Variants in PLCXD3 observed in about 807,000 individuals in gnomAD.
PLCXD3 encodes phosphatidylinositol specific phospholipase C X domain containing 3.
In PLCXD3, 19 loss-of-function variants were observed where a neutral mutation model predicts 25.5. That is an observed-to-expected ratio of 0.75 (90% CI 0.52 to 1.09). PLCXD3 has a LOEUF of 1.09. Among genes scored for constraint, PLCXD3 ranks in the 50% least tolerant of loss-of-function variants. The pLI is 0.00. For synonymous variants in PLCXD3, 174 were observed against 137.6 expected, an observed-to-expected ratio of 1.26 and a Z score of -1.85; for missense variants, 411 against 388.1, an observed-to-expected ratio of 1.06 and a Z score of -0.50.
intron 1 of PLCXD3, among the ~76,000 whole-genome samples, chr5:41,494,905 C>A (rs1253267061): frequency 6.6e-6 from 1 of 152,106 alleles, no homozygotes; most frequent in Non-Finnish European, 1.5e-5. Context: ...CTTACGGAAG[C>A]ATGTAGTGAA....
chr5:41,371,484 G>A (rs930941777), intron 2 of PLCXD3, among the ~76,000 whole-genome samples: 6 of 152,100 alleles, frequency 3.9e-5, no homozygotes, highest in African/African-American at 1.2e-4. Context: ...TAGGCTTGTT[G>A]AAATATCCAA....
intron 1 of PLCXD3, among the ~76,000 whole-genome samples, chr5:41,391,502 C>T (rs747408633): frequency 2.7e-4 from 41 of 152,192 alleles, no homozygotes; most frequent in Non-Finnish European, 5.4e-4. Context: ...GTAGTTCTGC[C>T]GGCATTCATC....
chr5:41,362,107 C>T (rs1009208708), intron 2 of PLCXD3, among the ~76,000 whole-genome samples: 6 of 152,206 alleles, frequency 3.9e-5, no homozygotes, highest in African/African-American at 1.4e-4. Flanking sequence ...CTTTGGAAGC[C>T]ATTTTTACGT....
At chr5:41,383,289 G>T (rs368228694) in intron 1 of PLCXD3, among the ~76,000 whole-genome samples, 1 of 151,952 alleles carries the variant, frequency 6.6e-6, no homozygotes, top group African/African-American at 2.4e-5. Context: ...TCTCTCAACA[G>T]CATAAACTCT....
At chr5:41,366,099 A>G (rs1016044942) in intron 2 of PLCXD3, among the ~76,000 whole-genome samples, 18 of 151,930 alleles carry the variant, frequency 1.2e-4, no homozygotes, top group Non-Finnish European at 2.6e-4. Flanking sequence ...CCACTCTCCC[A>G]GCCCCACGAC....
At chr5:41,336,851 G>C (rs931561632) in intron 2 of PLCXD3, among the ~76,000 whole-genome samples, 1 of 152,060 alleles carries the variant, frequency 6.6e-6, no homozygotes, top group African/African-American at 2.4e-5. Context: ...TCTGTTTCCT[G>C]TACTCTCCCA....
chr5:41,348,236 T>G (rs1259314543), intron 2 of PLCXD3, among the ~76,000 whole-genome samples: 1 of 152,196 alleles, frequency 6.6e-6, no homozygotes, highest in Admixed American at 6.5e-5. Context: ...CATTATGATC[T>G]AATAGACGTT....
intron 1 of PLCXD3, among the ~76,000 whole-genome samples, chr5:41,470,924 A>G (rs1344670798): frequency 1.3e-5 from 2 of 152,232 alleles, no homozygotes; most frequent in African/African-American, 4.8e-5. Flanking sequence ...AAAGCAAGCC[A>G]GAAATGAATA....
At chr5:41,384,136 C>T (rs1745567164) in intron 1 of PLCXD3, among the ~76,000 whole-genome samples, 1 of 151,962 alleles carries the variant, frequency 6.6e-6, no homozygotes, top group Admixed American at 6.6e-5. Context: ...ACAGAAATGC[C>T]ATGTTTAATT....
intron 1 of PLCXD3, among the ~76,000 whole-genome samples, chr5:41,407,779 G>A (rs183130136): frequency 2.9e-4 from 44 of 152,264 alleles, no homozygotes; most frequent in Admixed American, 2.4e-3. Flanking sequence ...GGAACACTAA[G>A]TTTAATCCTT....
chr5:41,500,635 AG>A (rs1353486564), intron 1 of PLCXD3, among the ~76,000 whole-genome samples: 1 of 151,782 alleles, frequency 6.6e-6, no homozygotes, highest in Non-Finnish European at 1.5e-5. Context: ...AAGAAAATGT[AG>A]GGGGAAAGCT....
chr5:41,423,973 T>G (rs1746889750), intron 1 of PLCXD3, among the ~76,000 whole-genome samples: 1 of 152,212 alleles, frequency 6.6e-6, no homozygotes, highest in Non-Finnish European at 1.5e-5. Context: ...TGAGAATACT[T>G]AAGACCAACT....
intron 2 of PLCXD3, among the ~76,000 whole-genome samples, chr5:41,320,408 A>G (rs1489374177): frequency 6.6e-6 from 1 of 152,274 alleles, no homozygotes. Context: ...GGAATACATT[A>G]GAAAGACCAT....
intron 2 of PLCXD3, among the ~76,000 whole-genome samples, chr5:41,317,015 C>T (rs901753013): frequency 1.3e-5 from 2 of 152,174 alleles, no homozygotes; most frequent in African/African-American, 4.8e-5. Context: ...AAACCATACA[C>T]AATAGCCAGG....
At chr5:41,351,539 GA>G (rs889898817) in intron 2 of PLCXD3, among the ~76,000 whole-genome samples, 6 of 152,108 alleles carry the variant, frequency 3.9e-5, no homozygotes, top group Non-Finnish European at 8.8e-5. Flanking sequence ...ACACCTAGTA[GA>G]AAAAAACCGC....
At chr5:41,314,859 A>G (rs998721562) in intron 2 of PLCXD3, among the ~76,000 whole-genome samples, 5 of 152,184 alleles carry the variant, frequency 3.3e-5, no homozygotes, top group African/African-American at 4.8e-5. Flanking sequence ...GACTTTCACT[A>G]TAAGAGCTCA....
intron 2 of PLCXD3, among the ~76,000 whole-genome samples, chr5:41,359,530 T>G (rs1744716352): frequency 6.6e-6 from 1 of 152,326 alleles, no homozygotes; most frequent in South Asian, 2.1e-4. Context: ...CATAGTAACC[T>G]TAAATAATCT....
At chr5:41,391,267 A>C (rs2150495972) in intron 1 of PLCXD3, among the ~76,000 whole-genome samples, 1 of 152,248 alleles carries the variant, frequency 6.6e-6, no homozygotes, top group East Asian at 1.9e-4. Flanking sequence ...CCCCTCCCCT[A>C]ACCTCAGGCT....
Position 41,402,919 on chromosome 5 carries a change from A to T in PLCXD3, c.104-20385T>A, listed in dbSNP as rs555433358. ...ATATAAAATGAGTTTCTTGTAGAAA[A>T]CAACTTGTTGGCACTTAGTTTTATA... On this transcript the variant is annotated intron_variant, in intron 1 of 2. Transcript: ENST00000377801. Among the ~76,000 whole-genome samples, 17 of 152,202 alleles carry T rather than the reference A, an allele frequency of 1.1e-4. No homozygotes were observed. The South Asian group carries it at 3.5e-3, about 32-fold the overall frequency.
Sources: gnomAD v4.1 joint callset for allele counts (sites outside exome capture counted in the v4.1 genomes callset) on GRCh38, gnomAD v4.1.1 for gene constraint, MANE v1.5 for transcripts, NCBI Gene and HGNC (gene_info 2026-07-23, HGNC 2026-07-21) for gene names.